FREM2: variants seen among roughly 807,000 people sequenced by gnomAD.
The protein encoded by FREM2 is FRAS1 related extracellular matrix 2, also known as FRAS1-related extracellular matrix protein 2.
A neutral mutation model predicts 219.9 loss-of-function variants in FREM2; 119 were observed. That is an observed-to-expected ratio of 0.54 (90% CI 0.47 to 0.63). The LOEUF (loss-of-function observed/expected upper bound fraction) is 0.63. Ranked by LOEUF, FREM2 falls within the 30% of genes least tolerant of loss-of-function variation. FREM2 has a pLI of 0.00. For synonymous variants in FREM2, 1,562 were observed against 1,522.8 expected (o/e 1.03, Z -0.60); for missense variants, 4,030 against 3,993.6 (o/e 1.01, Z -0.25).
In FREM2 at chr13:38,874,589, A is replaced by G. The variant is rs1878279627; in HGVS notation, c.8281+3A>G. On this transcript the variant is annotated splice_donor_region_variant and intron_variant, in intron 18 of 23. Coordinates refer to ENST00000280481, the MANE Select transcript of FREM2 (RefSeq NM_207361.6). Reference sequence around the variant, plus strand: ...CTTATTTGTGCTGTCACATCCCGGTAAGCCCCGTTATCTTTTAACAACCAC... The same window carrying G: ...CTTATTTGTGCTGTCACATCCCGGTGAGCCCCGTTATCTTTTAACAACCAC... The G allele has an allele frequency of 5.0e-6, 8 of 1,611,618 alleles. No homozygotes were observed. The highest frequency in any genetic ancestry group is 1.7e-5 in the Admixed American group (1 of 60,004).
chr13:38,689,419 G>T lies in FREM2; in HGVS notation c.2075G>T (p.Arg692Leu), dbSNP rs367642497. 2 of 1,613,954 alleles carry T rather than the reference G, an allele frequency of 1.2e-6. No homozygotes were observed. Among genetic ancestry groups the T allele is most frequent in the Non-Finnish European group, 1.7e-6 (2 of 1,179,946 alleles). Residue 692 changes from arginine to leucine, a missense_variant, in exon 1 of 24, where the codon CGT (arginine) becomes CTT (leucine). Coordinates refer to ENST00000280481, the MANE Select transcript of FREM2 (RefSeq NM_207361.6). The stretch of plus-strand genomic sequence containing the variant: ...TCCGGGCTACAGCGGTTTGTGATTC[G>T]TATCCATCCTGTGGATCGCCTCCCT... ...NQSGLQRFVI[R>L]IHPVDRLPPE... is the part of the protein sequence containing the mutation.
At chr13:38,828,700 G>C (rs1352284960) in intron 6 of FREM2, among the ~76,000 whole-genome samples, 1 of 150,726 alleles carries the variant, frequency 6.6e-6, no homozygotes, top group Admixed American at 6.6e-5. Context: ...AACAGAGAGA[G>C]AGAGACCATG....
chr13:38,857,949 T>C lies in FREM2; in HGVS notation c.7131T>C (p.Ile2377=), dbSNP rs751906750. 6.2e-6 allele frequency: 10 copies of C among 1,613,806 alleles called. No individual in the cohort carries two copies. The highest frequency in any genetic ancestry group is 8.5e-6 in the Non-Finnish European group (10 of 1,179,714). Residue 2377 remains isoleucine, a synonymous_variant, in exon 13 of 24, where the codon ATT becomes ATC. Coordinates refer to ENST00000280481, the MANE Select transcript of FREM2 (RefSeq NM_207361.6). ...ADVTFPSVPQ[I]VSLLMYDDTS... ...TCACTTTTCCTTCTGTCCCTCAAATTGTATCCCTGTTGATGTATGACGACA... is the reference window on the plus strand; with the variant it reads ...TCACTTTTCCTTCTGTCCCTCAAATCGTATCCCTGTTGATGTATGACGACA...
At chr13:38,787,760 T>C (rs1874390389) in intron 6 of FREM2, among the ~76,000 whole-genome samples, 1 of 149,452 alleles carries the variant, frequency 6.7e-6, no homozygotes, top group South Asian at 2.2e-4. Flanking sequence ...TTATTTATTA[T>C]TTATTATTAT....
At chr13:38,796,002 C>T (rs963511694) in intron 6 of FREM2, among the ~76,000 whole-genome samples, 1 of 147,196 alleles carries the variant, frequency 6.8e-6, no homozygotes, top group Non-Finnish European at 1.5e-5. Context: ...TTTCTTTTTT[C>T]TTTCTTTCTT....
chr13:38,761,699 G>A (rs1161848085), intron 2 of FREM2, among the ~76,000 whole-genome samples: 2 of 152,126 alleles, frequency 1.3e-5, no homozygotes, highest in Non-Finnish European at 2.9e-5. Context: ...GAAAGGGCTG[G>A]AGCAGCTGCA....
At chr13:38,766,576 T>C (rs566143290) in intron 3 of FREM2, among the ~76,000 whole-genome samples, 33 of 152,216 alleles carry the variant, frequency 2.2e-4, no homozygotes, top group Non-Finnish European at 2.9e-4. Context: ...TTATGGACTT[T>C]TAGAATGAGA....
chr13:38,877,359 T>G, intron 21 of FREM2, 116 bp downstream of exon 21: 1 of 1,152,498 alleles, frequency 8.7e-7, no homozygotes, highest in Non-Finnish European at 1.3e-6. Context: ...GTTTTGAGAA[T>G]GTAACTGGGT....
intron 4 of FREM2, among the ~76,000 whole-genome samples, chr13:38,776,079 A>G (rs767873613): frequency 3.2e-4 from 48 of 152,244 alleles, no homozygotes; most frequent in African/African-American, 7.0e-4. Context: ...AAATTAGTCT[A>G]TATTACTATG....
At chr13:38,846,527 G>GA (rs746213781) in intron 6 of FREM2, 46 bp from the exon 7 acceptor site, 2 of 1,600,068 alleles carry the variant, frequency 1.2e-6, no homozygotes, top group Non-Finnish European at 1.7e-6. Context: ...AGTTTGATGT[G>GA]AAAAAATAAA....
At chr13:38,825,183 GTGTT>G (rs1876232632) in intron 6 of FREM2, among the ~76,000 whole-genome samples, 2 of 152,048 alleles carry the variant, frequency 1.3e-5, no homozygotes, top group South Asian at 4.1e-4. Context: ...GTGCAATGCT[GTGTT>G]TGTTTTCGGT....
intron 6 of FREM2, among the ~76,000 whole-genome samples, chr13:38,807,192 TATATATATATATATATATATA>T (rs1566149179): frequency 1.6e-4 from 12 of 74,094 alleles, no homozygotes; most frequent in Non-Finnish European, 3.0e-4. Context: ...GTCTCTGTTA[TATATATATATATATATATATA>T]TATATATATA....
chr13:38,765,695 C>T (rs1451359349), intron 3 of FREM2, among the ~76,000 whole-genome samples: 1 of 151,984 alleles, frequency 6.6e-6, no homozygotes, highest in Non-Finnish European at 1.5e-5. Context: ...ATATTAATTA[C>T]CCCTTACTTT....
intron 6 of FREM2, among the ~76,000 whole-genome samples, chr13:38,804,416 A>G (rs957081612): frequency 6.6e-6 from 1 of 152,074 alleles, no homozygotes. Flanking sequence ...ATATCTTGCC[A>G]TTTAAAAAAT....
At chr13:38,808,416 G>T (rs993341982) in intron 6 of FREM2, among the ~76,000 whole-genome samples, 1 of 151,930 alleles carries the variant, frequency 6.6e-6, no homozygotes. Context: ...GGCACAAGAG[G>T]CTGGTTTCAG....
chr13:38,718,009 C>G (rs1410979422), intron 2 of FREM2, among the ~76,000 whole-genome samples: 1 of 152,030 alleles, frequency 6.6e-6, no homozygotes, highest in Non-Finnish European at 1.5e-5. Flanking sequence ...TAAAAATAAC[C>G]AACCAGAAAG....
intron 2 of FREM2, among the ~76,000 whole-genome samples, chr13:38,718,807 A>G (rs1871110606): frequency 6.6e-6 from 1 of 152,224 alleles, no homozygotes; most frequent in South Asian, 2.1e-4. Context: ...AACAGAGGGC[A>G]GAGATAGGAA....
At chr13:38,813,551 CTCTCTCTCTCTCTA>C (rs1875619438) in intron 6 of FREM2, among the ~76,000 whole-genome samples, 2 of 31,724 alleles carry the variant, frequency 6.3e-5, no homozygotes, top group South Asian at 1.7e-3. Context: ...CTCTCTCTCT[CTCTCTCTCTCTCTA>C]TATATATATA....
chr13:38,689,815 C>T lies in FREM2; in HGVS notation c.2471C>T (p.Pro824Leu). Residue 824 changes from proline (P) to leucine (L), a missense_variant, in exon 1 of 24, where the codon CCC (proline) becomes CTC (leucine). Pro to Leu is a moderately conservative substitution (Grantham distance 98). Around this residue, in one of 2 missense-constraint regions of FREM2, gnomAD observed 3,102 missense variants for 2,950.7 expected, o/e 1.05. Coordinates refer to ENST00000280481, the MANE Select transcript of FREM2 (RefSeq NM_207361.6). ...APGTFTLYLH[P>L]VDNQPPEILN... is the part of the protein sequence containing the mutation. ...GGTACCTTTACCCTTTACTTGCATC[C>T]CGTGGACAACCAGCCACCTGAGATC... is the stretch of plus-strand genomic sequence containing the variant. The T allele has an allele frequency of 1.2e-6, 2 of 1,614,104 alleles. No homozygotes were observed. Among genetic ancestry groups the T allele is most frequent in the African/African-American group, 1.3e-5 (1 of 75,048 alleles).
Sources: gnomAD v4.1 joint callset for allele counts (sites outside exome capture counted in the v4.1 genomes callset) on GRCh38, gnomAD v4.1.1 for gene constraint, gnomAD v4.1.1 regional missense constraint, MANE v1.5 for transcripts, NCBI Gene and HGNC (gene_info 2026-07-23, HGNC 2026-07-21) for gene names.